Variants in DNAH8 observed in about 807,000 individuals in gnomAD.
DNAH8 encodes the protein dynein axonemal heavy chain 8.
DNAH8 carries 382 observed loss-of-function variants against 562.1 expected under a neutral mutation model. The ratio of observed to expected loss-of-function variants is 0.68; its 90% CI spans 0.63 to 0.74. DNAH8 has a LOEUF of 0.74. DNAH8 is among the 30% of genes least tolerant of loss of function. DNAH8 has a pLI of 0.00. For synonymous variants in DNAH8, 1,881 were observed against 1,919.4 expected (o/e 0.98, Z 0.52); for missense variants, 5,203 against 5,620.4 (o/e 0.93, Z 2.37).
intron 61 of DNAH8, among the ~76,000 whole-genome samples, chr6:38,898,825 T>G (rs1220373853): frequency 6.6e-6 from 1 of 152,120 alleles, no homozygotes; most frequent in Admixed American, 6.5e-5. Flanking sequence ...TATATAGGAC[T>G]GGTGAGAGAA....
intron 57 of DNAH8, among the ~76,000 whole-genome samples, chr6:38,887,823 A>C (rs1435379262): frequency 6.6e-6 from 1 of 150,640 alleles, no homozygotes; most frequent in Non-Finnish European, 1.5e-5. Context: ...GTCAGAAGGG[A>C]AAGGGCAGAC....
chr6:38,847,450 G>T (rs1256054538), intron 36 of DNAH8, among the ~76,000 whole-genome samples: 1 of 151,780 alleles, frequency 6.6e-6, no homozygotes, highest in Admixed American at 6.6e-5. Context: ...TTCAGCTCTC[G>T]ACCAGTGGCC....
At chr6:38,949,675 A>G in intron 81 of DNAH8, 105 bp downstream of exon 81, 1 of 678,622 alleles carries the variant, frequency 1.5e-6, no homozygotes, top group Admixed American at 2.6e-5. Flanking sequence ...CATTGAAAGT[A>G]ACGGCAAAAA....
chr6:38,999,834 T>C (rs540310542), intron 88 of DNAH8, among the ~76,000 whole-genome samples: 88 of 151,532 alleles, frequency 5.8e-4, no homozygotes, highest in Admixed American at 1.8e-3. Flanking sequence ...ATTGTCATAT[T>C]ATATAATAGA....
intron 79 of DNAH8, among the ~76,000 whole-genome samples, chr6:38,940,118 T>G (rs573539391): frequency 6.3e-4 from 96 of 152,166 alleles, no homozygotes; most frequent in African/African-American, 2.2e-3. Context: ...ATCATTATGG[T>G]CATTTAGGGA....
At chr6:38,779,269 G>C (rs1293276302) in intron 14 of DNAH8, among the ~76,000 whole-genome samples, 1 of 152,148 alleles carries the variant, frequency 6.6e-6, no homozygotes, top group Non-Finnish European at 1.5e-5. Flanking sequence ...TGAGACCATT[G>C]TAAAAAAAGT....
At position 38,872,913 on chromosome 6, in the gene DNAH8, C is replaced by T. The variant is rs139991814; in HGVS notation, c.7245C>T (p.Asn2415=). ...RKTLKAKKGE[N]IFLILDGPVD... ...TGTTTTAATTATTTTCAGGTGAAAA[C>T]ATTTTCCTCATTTTAGATGGTCCTG... is the stretch of plus-strand genomic sequence containing the variant. Residue 2415 remains asparagine, a synonymous_variant, in exon 51 of 93, where the codon AAC becomes AAT. Transcript: ENST00000327475. 5.3e-5 allele frequency: 86 copies of T among 1,612,458 alleles called. No individual in the cohort carries two copies. The highest frequency in any genetic ancestry group is 7.0e-5 in the Non-Finnish European group (83 of 1,179,612).
chr6:38,961,414 T>C (rs1319541640), intron 82 of DNAH8, among the ~76,000 whole-genome samples: 1 of 151,944 alleles, frequency 6.6e-6, no homozygotes, highest in Non-Finnish European at 1.5e-5. Context: ...CATAAATATT[T>C]ACAATCATTA....
intron 78 of DNAH8, among the ~76,000 whole-genome samples, chr6:38,938,572 A>C (rs1166677682): frequency 1.3e-5 from 2 of 152,184 alleles, no homozygotes; most frequent in Non-Finnish European, 2.9e-5. Flanking sequence ...GGAGAACAAC[A>C]GACACTGTGA....
intron 53 of DNAH8, among the ~76,000 whole-genome samples, chr6:38,880,155 G>A (rs1778359616): frequency 6.6e-6 from 1 of 152,216 alleles, no homozygotes; most frequent in South Asian, 2.1e-4. Context: ...GCTGAGGCAT[G>A]AGAATAGCTT....
At chr6:38,833,305 T>C (rs1774005680) in intron 31 of DNAH8, among the ~76,000 whole-genome samples, 5 of 152,158 alleles carry the variant, frequency 3.3e-5, no homozygotes, top group Admixed American at 3.3e-4. Context: ...ATTGTTAAAG[T>C]AAATCTAAAA....
chr6:38,894,835 A>T lies in DNAH8; in HGVS notation c.8718A>T (p.Lys2906Asn), dbSNP rs1583294591. The T allele has an allele frequency of 6.2e-7, 1 of 1,613,988 alleles. No homozygotes were observed. Among genetic ancestry groups the T allele is most frequent in the Non-Finnish European group, 8.5e-7 (1 of 1,179,950 alleles). ...TCCCTACTCTCCTGTCCCTTTTCAA[A>T]CACGAGTGCAGCAGAGTAATTGCAG... ...ASIPTLLSLF[K>N]HECSRVIADR... The change falls in exon 59 of 93, where the codon AAA (lysine) becomes AAT (asparagine). Residue 2906 changes from lysine to asparagine, a missense_variant. Physicochemically the swap from Lys to Asn is moderately conservative, Grantham distance 94. Transcript: ENST00000327475.
intron 79 of DNAH8, among the ~76,000 whole-genome samples, chr6:38,945,047 C>T (rs917714810): frequency 6.6e-5 from 10 of 152,020 alleles, no homozygotes; most frequent in African/African-American, 2.4e-4. Context: ...CTTTATCTAT[C>T]TGTTTGACCT....
At chr6:38,884,114 C>A in intron 56 of DNAH8, 116 bp downstream of exon 56, 1 of 591,086 alleles carries the variant, frequency 1.7e-6, no homozygotes, top group Non-Finnish European at 2.3e-6. Flanking sequence ...AAGTCTACTG[C>A]CAATCCTCAG....
At chr6:39,024,088 T>C (rs1767117689) in intron 91 of DNAH8, among the ~76,000 whole-genome samples, 1 of 152,252 alleles carries the variant, frequency 6.6e-6, no homozygotes, top group South Asian at 2.1e-4. Flanking sequence ...GTAGCAGATG[T>C]GCTAAATAAG....
At position 38,745,599 on chromosome 6, in the gene DNAH8, A is replaced by G. The variant is rs532476841; in HGVS notation, c.1293+3712A>G. ...TAACATTAGTACGATACTATTAATG[A>G]TGCTACACACAATTTATACTTCTCC... On this transcript the variant is annotated intron_variant, in intron 8 of 92. Transcript: ENST00000327475. Among the ~76,000 whole-genome samples, 9 of 152,302 alleles carry G rather than the reference A, an allele frequency of 5.9e-5. No homozygotes were observed. In the East Asian group the frequency reaches 1.5e-3, roughly 26 times the overall value.
chr6:38,781,425 CA>C (rs1768600796), intron 16 of DNAH8, 52 bp downstream of exon 16: 1 of 1,169,534 alleles, frequency 8.6e-7, no homozygotes, highest in Non-Finnish European at 1.2e-6. Context: ...TTTAATATAA[CA>C]AATATATCAT....
At chr6:38,776,077 C>A in intron 13 of DNAH8, 126 bp downstream of exon 13, 1 of 672,450 alleles carries the variant, frequency 1.5e-6, no homozygotes, top group Non-Finnish European at 2.6e-6. Flanking sequence ...TCCTCTTTCA[C>A]ATTGACCAAA....
At chr6:39,028,848 A>G (rs1767475004) in intron 92 of DNAH8, among the ~76,000 whole-genome samples, 1 of 152,214 alleles carries the variant, frequency 6.6e-6, no homozygotes, top group Non-Finnish European at 1.5e-5. Flanking sequence ...TTTACTGTCA[A>G]ATCATGTGCC....
Sources: gnomAD v4.1 joint callset for allele counts (sites outside exome capture counted in the v4.1 genomes callset) on GRCh38, gnomAD v4.1.1 for gene constraint, MANE v1.5 for transcripts, NCBI Gene and HGNC (gene_info 2026-07-23, HGNC 2026-07-21) for gene names.